Variants in COL18A1 observed in about 807,000 individuals in gnomAD.
The protein encoded by COL18A1 is collagen type XVIII alpha 1 chain.
A neutral mutation model predicts 168.0 loss-of-function variants in COL18A1; 133 were observed. The observed-to-expected ratio is 0.79, with a 90% CI of 0.69 to 0.91. The LOEUF is 0.91. Ranked by LOEUF, COL18A1 falls within the 40% of genes least tolerant of loss-of-function variation. COL18A1 has a pLI of 0.00. For missense variants in COL18A1, 2,126 were observed against 1,925.4 expected (o/e 1.10, Z -1.95); for synonymous variants, 949 against 809.0 (o/e 1.17, Z -2.94).
chr21:45,491,392 C>CACA lies in COL18A1; in HGVS notation c.2157+78_2157+79insACA, dbSNP rs1294943097. ...GCAGAGATCCCTCCCCGAGCCCCCC[C>CACA]CACACCCCCACATCCCCCAGGTCAG... On this transcript the variant is annotated intron_variant, in intron 22 of 41. Transcript: ENST00000651438. 4.1e-6 allele frequency: 3 copies of CACA among 729,530 alleles called. No homozygotes were observed. The African/African-American group carries it at 5.4e-5, about 13-fold the overall frequency. The allele number at this position is 729,530 out of a possible 1,614,324, so 45.2% of individuals were successfully genotyped here.
At chr21:45,440,702 A>G (rs113704221) in intron 2 of COL18A1, among the ~76,000 whole-genome samples, 1,014 of 104,222 alleles carry the variant, frequency 9.7e-3, no homozygotes, top group Middle Eastern at 0.029. Flanking sequence ...TGGGGTTTGA[A>G]CCACGTTCCC....
rs1183161569 is a variant in COL18A1, at chr21:45,509,505, C to G, written c.3399C>G (p.Pro1133=). The G allele has an allele frequency of 6.5e-7, 1 of 1,533,326 alleles. No individual in the cohort carries two copies. Among genetic ancestry groups the G allele is most frequent in the South Asian group, 1.2e-5 (1 of 84,942 alleles). 95.0% of individuals were successfully genotyped at this position (1,533,326 alleles called of 1,614,324 possible). A position where few individuals can be genotyped will look rare whatever the true frequency, so the allele number is the denominator to read the frequency against. The part of the protein sequence containing the change: ...ASPPRLPEPQ[P]YPGAPHHSSY... ...CCCCTCGCCTGCCCGAGCCCCAGCCCTACCCCGGAGCCCCGCACCACAGCT... is the reference window on the plus strand; with the variant it reads ...CCCCTCGCCTGCCCGAGCCCCAGCCGTACCCCGGAGCCCCGCACCACAGCT... Residue 1133 remains proline (P), a synonymous_variant, in exon 39 of 42, where the codon CCC becomes CCG. Coordinates refer to ENST00000651438, the MANE Select transcript of COL18A1 (RefSeq NM_001379500.1).
chr21:45,405,602 C>T, intron 2 of COL18A1, 129 bp downstream of exon 2: 2 of 466,622 alleles, frequency 4.3e-6, no homozygotes, highest in Non-Finnish European at 6.4e-6. Context: ...CCTGCCCACG[C>T]GCGCAGGAGG....
At chr21:45,481,687 C>T (rs1312050417) in intron 13 of COL18A1, among the ~76,000 whole-genome samples, 1 of 152,248 alleles carries the variant, frequency 6.6e-6, no homozygotes, top group Admixed American at 6.5e-5. Context: ...GACTGCCTCT[C>T]AGAGGGAGCA....
rs1555874491 is a variant in COL18A1 at position 45,504,464 on chromosome 21, G to A, written c.2776G>A (p.Glu926Lys). The change falls in exon 34 of 42, where the codon GAG becomes AAG. Residue 926 changes from glutamate (E) to lysine (K), a missense_variant. Physicochemically the swap from Glu to Lys is moderately conservative, Grantham distance 56. Coordinates refer to ENST00000651438, the MANE Select transcript of COL18A1 (RefSeq NM_001379500.1). ...GDAGQKGERG[E>K]PGGGGFFGSS... ...TGCAGGACAGAAAGGCGAAAGGGGG[G>A]AGCCCGGGGGCGGCGGTTTCTTCGG... 1.2e-5 allele frequency: 20 copies of A among 1,610,556 alleles called. No homozygotes were observed. Among genetic ancestry groups the A allele is most frequent in the Non-Finnish European group, 1.7e-5 (20 of 1,178,940 alleles).
rs2297289 is a variant in COL18A1, at chr21:45,493,056, T to A, written c.2215-107T>A. ...GCCGCGAGGGGCCCTGGTCGGGCTG[T>A]CGAGGCAGGCATATTGCGGGGGGCA... On this transcript the variant is annotated intron_variant, in intron 24 of 41. Coordinates refer to ENST00000651438, the MANE Select transcript of COL18A1 (RefSeq NM_001379500.1). The A allele has an allele frequency of 0.41, 479,791 of 1,173,380 alleles. 100,862 individuals are homozygous for A. The highest frequency in any genetic ancestry group is 0.58 in the African/African-American group (37,920 of 65,368). The allele number at this position is 1,173,380 out of a possible 1,614,324, so 72.7% of individuals were successfully genotyped here. A position where few individuals can be genotyped will look rare whatever the true frequency, so the allele number is the denominator to read the frequency against.
chr21:45,411,072 C>T lies in COL18A1; in HGVS notation c.106+5599C>T, dbSNP rs193248241. On this transcript the variant is annotated intron_variant, in intron 2 of 41. Transcript: ENST00000651438. ...AATTCAGGTGGACGCTGCAGCTGGG[C>T]GGGACATCTGGCCTCTCCCTGTGGC... Among the ~76,000 whole-genome samples, 85 of 152,294 alleles carry T rather than the reference C, an allele frequency of 5.6e-4. 1 individual carries two copies. In the East Asian group the frequency reaches 0.012, roughly 21 times the overall value.
intron 2 of COL18A1, 53 bp from the exon 3 acceptor site, chr21:45,468,189 G>A: frequency 6.2e-7 from 1 of 1,600,546 alleles, no homozygotes; most frequent in Non-Finnish European, 8.5e-7. Context: ...CGCGTCGGTG[G>A]CCCCTGGTTC....
chr21:45,433,408 G>T (rs2034017304), intron 2 of COL18A1, among the ~76,000 whole-genome samples: 1 of 152,226 alleles, frequency 6.6e-6, no homozygotes, highest in Admixed American at 6.5e-5. Flanking sequence ...TCGTCTTTGT[G>T]TGCGTCTGTG....
At chr21:45,478,211 G>A (rs1456027007) in intron 8 of COL18A1, 116 bp from the exon 9 acceptor site, 10 of 1,381,576 alleles carry the variant, frequency 7.2e-6, no homozygotes, top group Admixed American at 1.7e-5. Context: ...GACATCGGGG[G>A]AAGGCGTCTG....
chr21:45,455,883 C>G, intron 2 of COL18A1: 1 of 1,613,114 alleles, frequency 6.2e-7, no homozygotes, highest in South Asian at 1.1e-5. Context: ...CTGAACGTGG[C>G]CAAAGGCATC....
intron 2 of COL18A1, chr21:45,421,385 C>A: frequency 1.9e-6 from 1 of 532,872 alleles, no homozygotes. Flanking sequence ...AAGGAGAGGG[C>A]ACTGCGGTGC....
intron 2 of COL18A1, chr21:45,424,290 C>T (rs1281088226): frequency 6.6e-6 from 1 of 152,328 alleles, no homozygotes; most frequent in Non-Finnish European, 1.5e-5. Flanking sequence ...TGTTGGCAGG[C>T]CCAGGGCACA....
At chr21:45,508,555 C>T (rs928460080) in intron 38 of COL18A1, among the ~76,000 whole-genome samples, 4 of 151,390 alleles carry the variant, frequency 2.6e-5, no homozygotes, top group South Asian at 2.1e-4. Context: ...GAAATATTTT[C>T]GTTTTCCTAA....
Position 45,510,977 on chromosome 21 carries a change from C to CA in COL18A1, c.3694-134_3694-133insA. ...ACACCCCACATACACCCCCAAACAC[C>CA]CCCCACACCCCACACACACAACACA... On this transcript the variant is annotated intron_variant, in intron 40 of 41. Coordinates refer to ENST00000651438, the MANE Select transcript of COL18A1 (RefSeq NM_001379500.1). 4.2e-4 allele frequency: 5 copies of CA among 11,990 alleles called. 2 individuals are homozygous for CA. Among genetic ancestry groups the CA allele is most frequent in the South Asian group, 2.3e-3 (2 of 878 alleles). 0.7% of individuals were successfully genotyped at this position (11,990 alleles called of 1,614,324 possible).
chr21:45,479,646 G>A (rs2035823124), intron 9 of COL18A1, among the ~76,000 whole-genome samples: 1 of 152,134 alleles, frequency 6.6e-6, no homozygotes, highest in South Asian at 2.1e-4. Flanking sequence ...ACCAGCTGTT[G>A]TGGAGGCCTT....
rs115136569 is a variant in COL18A1, at chr21:45,421,017, C to T, written c.106+15544C>T. The T allele has an allele frequency of 2.4e-3, 455 of 192,574 alleles. 10 individuals carry two copies. The East Asian group carries it at 0.037, about 15-fold the overall frequency. The allele number at this position is 192,574 out of a possible 1,614,324, so 11.9% of individuals were successfully genotyped here. A position where few individuals can be genotyped will look rare whatever the true frequency, so the allele number is the denominator to read the frequency against. On this transcript the variant is annotated intron_variant, in intron 2 of 41. Transcript: ENST00000651438. The stretch of plus-strand genomic sequence containing the variant: ...GGGTGTGAGGACAGTCTGTGCCACT[C>T]ACCCGTGTCTGCTCCGAGCCAGGAG...
At chr21:45,451,661 G>A (rs1273035279) in intron 2 of COL18A1, among the ~76,000 whole-genome samples, 2 of 152,216 alleles carry the variant, frequency 1.3e-5, no homozygotes, top group South Asian at 2.1e-4. Context: ...GCGCTCAGAG[G>A]GGAAGGCGGT....
At chr21:45,410,129 C>T (rs1163504667) in intron 2 of COL18A1, 9 of 152,124 alleles carry the variant, frequency 5.9e-5, no homozygotes, top group African/African-American at 1.4e-4. Flanking sequence ...CGGGCAGGCC[C>T]CGGCACGGCC....
Sources: allele counts gnomAD v4.1 joint callset (sites outside exome capture counted in the v4.1 genomes callset), GRCh38; gene constraint gnomAD v4.1.1; transcripts MANE v1.5; gene names NCBI Gene and HGNC (gene_info 2026-07-23, HGNC 2026-07-21).